PIAS2: variants seen among roughly 807,000 people sequenced by gnomAD.
PIAS2 encodes E3 SUMO-protein ligase PIAS2.
PIAS2 carries 19 observed loss-of-function variants against 69.7 expected under a neutral mutation model. The observed-to-expected ratio is 0.27, with a 90% CI of 0.19 to 0.40. The LOEUF (loss-of-function observed/expected upper bound fraction) is 0.40, where lower values mean the gene tolerates loss of function less well. Ranked by LOEUF, PIAS2 falls within the 10% of genes least tolerant of loss-of-function variation. The pLI is 1.00. For synonymous variants in PIAS2, 261 were observed against 263.2 expected, an observed-to-expected ratio of 0.99 and a Z score of 0.08; for missense variants, 624 against 757.0, an observed-to-expected ratio of 0.82 and a Z score of 2.06.
intron 9 of PIAS2, among the ~76,000 whole-genome samples, chr18:46,830,298 TAAAAG>T (rs1448060310): frequency 1.3e-5 from 2 of 151,810 alleles, no homozygotes; most frequent in African/African-American, 4.8e-5. Context: ...AAAAGGGAAA[TAAAAG>T]AAGTCTCAAT....
chr18:46,873,907 T>C (rs1031228306), intron 2 of PIAS2, among the ~76,000 whole-genome samples: 4 of 152,136 alleles, frequency 2.6e-5, no homozygotes, highest in Non-Finnish European at 5.9e-5. Flanking sequence ...CATTCCCATC[T>C]TCTCCCCCGC....
chr18:46,861,432 A>G (rs1031328448), intron 3 of PIAS2, among the ~76,000 whole-genome samples: 2 of 152,226 alleles, frequency 1.3e-5, no homozygotes, highest in African/African-American at 4.8e-5. Context: ...TTTGAGGAAA[A>G]ACAGAATACT....
Position 46,812,613 on chromosome 18 carries a change from C to T in PIAS2, c.1687-1G>A. 1 of 1,591,338 alleles carries T rather than the reference C, an allele frequency of 6.3e-7. No homozygotes were observed. Among genetic ancestry groups the T allele is most frequent in the Non-Finnish European group, 8.6e-7 (1 of 1,164,480 alleles). Reference sequence around the variant, plus strand: ...TATCCAAAAACATAGGAGGACAGTACTGCTTGAAACAAACAATGATGCCAA... The same window carrying T: ...TATCCAAAAACATAGGAGGACAGTATTGCTTGAAACAAACAATGATGCCAA... On this transcript the variant is annotated splice_acceptor_variant, in intron 13 of 13. Transcript: ENST00000585916. LOFTEE classifies it high-confidence loss of function.
intron 2 of PIAS2, among the ~76,000 whole-genome samples, chr18:46,869,729 T>A (rs2050044385): frequency 6.6e-6 from 1 of 152,164 alleles, no homozygotes; most frequent in South Asian, 2.1e-4. Context: ...TATTGTTGTT[T>A]CATTTGGACC....
chr18:46,848,017 T>C (rs548468667), intron 5 of PIAS2, among the ~76,000 whole-genome samples: 5 of 152,312 alleles, frequency 3.3e-5, no homozygotes, highest in South Asian at 2.1e-4. Flanking sequence ...GAAAATACTA[T>C]GTATATATGG....
intron 1 of PIAS2, among the ~76,000 whole-genome samples, chr18:46,898,501 C>T (rs1382082380): frequency 6.6e-6 from 1 of 152,086 alleles, no homozygotes; most frequent in Admixed American, 6.5e-5. Context: ...AAGACTCTCT[C>T]TATTAGAAAT....
chr18:46,909,175 G>T (rs374033931), intron 1 of PIAS2, among the ~76,000 whole-genome samples: 5 of 152,276 alleles, frequency 3.3e-5, no homozygotes, highest in African/African-American at 1.2e-4. Context: ...GAAAAGGGAA[G>T]AATGGCTAAT....
intron 1 of PIAS2, among the ~76,000 whole-genome samples, chr18:46,909,055 A>G (rs542477735): frequency 6.6e-6 from 1 of 152,278 alleles, no homozygotes; most frequent in African/African-American, 2.4e-5. Flanking sequence ...AATTGAAAGG[A>G]GAAATTTGCA....
At chr18:46,833,789 C>T (rs775814297) in intron 9 of PIAS2, among the ~76,000 whole-genome samples, 23 of 152,230 alleles carry the variant, frequency 1.5e-4, no homozygotes, top group Non-Finnish European at 3.1e-4. Context: ...AATAGCAGTT[C>T]AGAAGTTAAC....
rs2052592377 is a variant in PIAS2, at chr18:46,883,273, C to T, written c.499+7307G>A. ...AACTACTTTTGTAATCTGAAAAGAA[C>T]AATGAAGAAATTAAGGAATCAAAGG... On this transcript the variant is annotated intron_variant, in intron 2 of 13. Coordinates refer to ENST00000585916, the MANE Select transcript of PIAS2 (RefSeq NM_004671.5). Among the ~76,000 whole-genome samples, 3 of 151,996 alleles carry T rather than the reference C, an allele frequency of 2.0e-5. No homozygotes were observed. The South Asian group carries it at 6.2e-4, about 32-fold the overall frequency.
chr18:46,847,333 T>C (rs1453955200), intron 5 of PIAS2, among the ~76,000 whole-genome samples: 1 of 152,212 alleles, frequency 6.6e-6, no homozygotes, highest in Non-Finnish European at 1.5e-5. Flanking sequence ...CTGCCTTTTC[T>C]CTGGGTGGAA....
chr18:46,849,646 T>C (rs2046672833), intron 5 of PIAS2, among the ~76,000 whole-genome samples: 1 of 152,224 alleles, frequency 6.6e-6, no homozygotes, highest in South Asian at 2.1e-4. Context: ...TCCACAATTA[T>C]TGTACTTTAA....
chr18:46,915,696 G>T (rs1040192097), intron 1 of PIAS2: 2 of 151,682 alleles, frequency 1.3e-5, no homozygotes, highest in Non-Finnish European at 2.9e-5. Flanking sequence ...CTTTTACTCT[G>T]CTCTATAAGA....
At chr18:46,840,542 T>G (rs946981284) in intron 8 of PIAS2, among the ~76,000 whole-genome samples, 1 of 152,222 alleles carries the variant, frequency 6.6e-6, no homozygotes, top group South Asian at 2.1e-4. Context: ...CCATCTCTCC[T>G]GTCACAGCCT....
intron 13 of PIAS2, among the ~76,000 whole-genome samples, chr18:46,814,549 C>T (rs146430294): frequency 4.6e-5 from 7 of 152,308 alleles, no homozygotes; most frequent in Middle Eastern, 3.4e-3. Flanking sequence ...TTCATGTAAT[C>T]AGATACAGAG....
At chr18:46,894,987 C>T (rs1203695986) in intron 1 of PIAS2, among the ~76,000 whole-genome samples, 3 of 151,236 alleles carry the variant, frequency 2.0e-5, no homozygotes, top group Admixed American at 6.6e-5. Context: ...GCAGGAGAAT[C>T]GCTTGAAACC....
chr18:46,891,022 T>A lies in PIAS2; in HGVS notation c.57A>T (p.Leu19=), dbSNP rs774727874. ...GTCCAGCAAAGCCTAGTAATACTTG[T>A]AGTTCAGAAACCCTAAAACTAGAAA... ...NMVSSFRVSE[L]QVLLGFAGRN... is the part of the protein sequence containing the mutation. The change falls in exon 2 of 14, where the codon CTA becomes CTT. Residue 19 remains leucine (L), a synonymous_variant. Transcript: ENST00000585916. 1.7e-5 allele frequency: 28 copies of A among 1,605,712 alleles called. No homozygotes were observed. Among genetic ancestry groups the A allele is most frequent in the Non-Finnish European group, 2.3e-5 (27 of 1,175,764 alleles).
At chr18:46,897,726 A>C (rs1444967929) in intron 1 of PIAS2, among the ~76,000 whole-genome samples, 1 of 152,224 alleles carries the variant, frequency 6.6e-6, no homozygotes, top group African/African-American at 2.4e-5. Context: ...TTCTGTTAAC[A>C]TGATAACTGG....
At chr18:46,816,931 A>C (rs1599287904) in intron 12 of PIAS2, 2 of 934,636 alleles carry the variant, frequency 2.1e-6, no homozygotes, top group East Asian at 2.3e-4. Context: ...TCATATTAAT[A>C]ATATTCAATA....
Sources: allele counts gnomAD v4.1 joint callset (sites outside exome capture counted in the v4.1 genomes callset), GRCh38; gene constraint gnomAD v4.1.1; transcripts MANE v1.5; gene names NCBI Gene and HGNC (gene_info 2026-07-23, HGNC 2026-07-21).